NFASC: variants seen among roughly 807,000 people sequenced by gnomAD.
The protein encoded by NFASC is neurofascin.
Under a neutral mutation model 147.5 loss-of-function variants are expected in NFASC, and 43 were observed. The observed-to-expected ratio is 0.29, with a 90% CI of 0.23 to 0.38. NFASC has a LOEUF of 0.38. Ranked by LOEUF, NFASC falls within the 10% of genes least tolerant of loss-of-function variation. NFASC has a pLI of 1.00. For synonymous variants in NFASC, 622 were observed against 665.5 expected (o/e 0.93, Z 1.01); for missense variants, 1,320 against 1,689.0 (o/e 0.78, Z 3.83).
At chr1:204,877,025 TATA>T (rs1392272532) in intron 1 of NFASC, among the ~76,000 whole-genome samples, 4 of 101,512 alleles carry the variant, frequency 3.9e-5, no homozygotes, top group South Asian at 2.7e-4. Flanking sequence ...TATATATATA[TATA>T]ATATATATTT....
intron 2 of NFASC, among the ~76,000 whole-genome samples, chr1:204,935,422 C>T (rs980832804): frequency 2.6e-5 from 4 of 152,194 alleles, no homozygotes; most frequent in Non-Finnish European, 5.9e-5. Flanking sequence ...AGGAAGGCTC[C>T]AGATGTGTCT....
chr1:204,908,967 T>G (rs2086691373), intron 1 of NFASC, among the ~76,000 whole-genome samples: 1 of 152,150 alleles, frequency 6.6e-6, no homozygotes. Context: ...TACCACAGTT[T>G]GTTTAACCAT....
At chr1:204,937,284 G>A (rs540058709) in intron 2 of NFASC, among the ~76,000 whole-genome samples, 2 of 152,212 alleles carry the variant, frequency 1.3e-5, no homozygotes, top group Admixed American at 6.5e-5. Context: ...CGTTACAGTC[G>A]ATGAACCTAC....
At chr1:204,959,729 T>C (rs1462490517) in intron 8 of NFASC, among the ~76,000 whole-genome samples, 2 of 152,194 alleles carry the variant, frequency 1.3e-5, no homozygotes, top group Non-Finnish European at 2.9e-5. Context: ...TCACACAGAG[T>C]AGAGCAGAGG....
rs370518703 is a variant in NFASC, at chr1:204,991,311, C to T, written c.2782+5C>T. On this transcript the variant is annotated splice_donor_5th_base_variant and intron_variant, in intron 24 of 29. Coordinates refer to ENST00000339876, the MANE Select transcript of NFASC (RefSeq NM_001005388.3). ...CTGAAGCTACTCCAACCGCAGGTAC[C>T]GTACCAGCCGCGGAGGTAATGGGCA... is the stretch of plus-strand genomic sequence containing the variant. 206 of 1,612,364 alleles carry T rather than the reference C, an allele frequency of 1.3e-4. 1 individual carries two copies. The highest frequency in any genetic ancestry group is 1.5e-4 in the Non-Finnish European group (178 of 1,179,186).
At chr1:204,853,724 C>G (rs1046956722) in intron 1 of NFASC, among the ~76,000 whole-genome samples, 1 of 152,214 alleles carries the variant, frequency 6.6e-6, no homozygotes. Context: ...CTCTGATGCT[C>G]TTGGCTTGTC....
At chr1:204,832,846 T>G (rs1672635976) in intron 1 of NFASC, among the ~76,000 whole-genome samples, 2 of 152,242 alleles carry the variant, frequency 1.3e-5, no homozygotes, top group Admixed American at 6.5e-5. Context: ...CAGTAGGATC[T>G]GGAGTGATTG....
chr1:204,957,583 G>A (rs2150061471), intron 7 of NFASC, 73 bp from the exon 8 acceptor site: 1 of 1,455,280 alleles, frequency 6.9e-7, no homozygotes, highest in Non-Finnish European at 9.6e-7. Context: ...AAAGTGTTCT[G>A]TCGCCAGGAC....
chr1:204,901,123 G>A (rs1007917074), intron 1 of NFASC, among the ~76,000 whole-genome samples: 2 of 152,176 alleles, frequency 1.3e-5, no homozygotes, highest in Non-Finnish European at 2.9e-5. Flanking sequence ...GGGAAGTGCG[G>A]GGAGGAGCTG....
chr1:204,895,471 T>C (rs945997960), intron 1 of NFASC, among the ~76,000 whole-genome samples: 1 of 152,248 alleles, frequency 6.6e-6, no homozygotes, highest in Non-Finnish European at 1.5e-5. Context: ...CCTGCTTTTT[T>C]ACTACTGCCT....
At chr1:204,959,534 A>T (rs755691657) in intron 8 of NFASC, among the ~76,000 whole-genome samples, 1 of 152,238 alleles carries the variant, frequency 6.6e-6, no homozygotes, top group African/African-American at 2.4e-5. Flanking sequence ...GACTAACAGC[A>T]TTGGCAGGGG....
chr1:204,915,979 C>T (rs1032063234), intron 1 of NFASC, among the ~76,000 whole-genome samples: 1 of 152,234 alleles, frequency 6.6e-6, no homozygotes, highest in African/African-American at 2.4e-5. Flanking sequence ...ACCCCAGACA[C>T]TCCCTGTCAT....
chr1:204,950,663 G>A (rs1377453186), intron 4 of NFASC, 89 bp downstream of exon 4: 1 of 1,256,894 alleles, frequency 8.0e-7, no homozygotes, highest in African/African-American at 1.5e-5. Flanking sequence ...GTGGCCTGCT[G>A]GGACTTCTGC....
At chr1:204,862,012 T>C (rs2076725097) in intron 1 of NFASC, among the ~76,000 whole-genome samples, 1 of 152,210 alleles carries the variant, frequency 6.6e-6, no homozygotes, top group Admixed American at 6.5e-5. Context: ...CAGATCTTAT[T>C]TACTCATACA....
chr1:204,955,045 G>C (rs1320162529), intron 7 of NFASC, 94 bp downstream of exon 7: 1 of 1,493,310 alleles, frequency 6.7e-7, no homozygotes, highest in Admixed American at 1.8e-5. Context: ...AAGCTAGAAG[G>C]CCTTGATTTG....
At chr1:204,845,675 G>T (rs1317141762) in intron 1 of NFASC, among the ~76,000 whole-genome samples, 1 of 152,158 alleles carries the variant, frequency 6.6e-6, no homozygotes, top group Non-Finnish European at 1.5e-5. Flanking sequence ...GACCAGTCAG[G>T]AGGATCCCTT....
At chr1:204,984,769 T>C (rs1424348993) in intron 21 of NFASC, among the ~76,000 whole-genome samples, 2 of 152,094 alleles carry the variant, frequency 1.3e-5, no homozygotes, top group Admixed American at 6.5e-5. Context: ...TGCTCTATCA[T>C]CCATCCTCTT....
intron 8 of NFASC, among the ~76,000 whole-genome samples, chr1:204,966,100 T>C (rs538211057): frequency 6.6e-6 from 1 of 152,352 alleles, no homozygotes; most frequent in East Asian, 1.9e-4. Flanking sequence ...TTTTGAACTT[T>C]GGCTTGTTTC....
At chr1:204,831,829 G>C (rs1672296704) in intron 1 of NFASC, among the ~76,000 whole-genome samples, 1 of 152,152 alleles carries the variant, frequency 6.6e-6, no homozygotes, top group South Asian at 2.1e-4. Flanking sequence ...AGACCATAGA[G>C]ATGAAAAGTA....
Sources: allele counts gnomAD v4.1 joint callset (sites outside exome capture counted in the v4.1 genomes callset), GRCh38; gene constraint gnomAD v4.1.1; transcripts MANE v1.5; gene names NCBI Gene and HGNC (gene_info 2026-07-23, HGNC 2026-07-21).